The following NAAA variants were observed in gnomAD, a reference collection of about 807,000 sequenced individuals.
NAAA encodes the protein N-acylethanolamine acid amidase.
In NAAA, 39 loss-of-function variants were observed where a neutral mutation model predicts 44.8. The observed-to-expected ratio is 0.87, with a 90% CI of 0.67 to 1.14. The LOEUF is 1.14. Ranked by LOEUF, NAAA falls within the 50% of genes most tolerant of loss-of-function variation. NAAA has a pLI of 0.00. For synonymous variants in NAAA, 178 were observed against 191.3 expected (o/e 0.93, Z 0.58); for missense variants, 460 against 467.8 (o/e 0.98, Z 0.15).
At chr4:75,911,129 G>T (rs1725307388), downstream of NAAA, among the ~76,000 whole-genome samples, 1 of 152,162 alleles carries the variant, frequency 6.6e-6, no homozygotes, top group African/African-American at 2.4e-5. Context: ...GCAAGGGTGG[G>T]GAGGGTGTCT....
In NAAA at chr4:75,920,993, T is replaced by C. The variant is rs760657496; in HGVS notation, c.797A>G (p.Asp266Gly). 5 of 1,612,396 alleles carry C rather than the reference T, an allele frequency of 3.1e-6. 1 individual carries two copies. The South Asian group carries it at 3.3e-5, about 11-fold the overall frequency. Residue 266 changes from aspartate to glycine, a missense_variant, in exon 6 of 11, where the codon GAT becomes GGT. Coordinates refer to ENST00000286733, the MANE Select transcript of NAAA (RefSeq NM_014435.4). ...TAGAGGCCAAATGTCTGCTGGGCCA[T>C]CTCTGTTCCTCGTGATGACCACCCC... ...REGVVITRNR[D>G]GPADIWPLDP... is the part of the protein sequence containing the mutation.
chr4:75,928,609 A>G lies in NAAA; in HGVS notation c.589+2605T>C, dbSNP rs532929116. ...AAGTGTAAGATGCCTAGTAGACGTCAGAGTGGAGATGCTGAGAAGATGGCT... is the reference window on the plus strand; with the variant it reads ...AAGTGTAAGATGCCTAGTAGACGTCGGAGTGGAGATGCTGAGAAGATGGCT... On this transcript the variant is annotated intron_variant, in intron 4 of 10. Coordinates refer to ENST00000286733, the MANE Select transcript of NAAA (RefSeq NM_014435.4). Among the ~76,000 whole-genome samples the G allele has an allele frequency of 2.6e-5, 4 of 152,284 alleles. No homozygotes were observed. In the South Asian group the frequency reaches 8.3e-4, roughly 32 times the overall value.
chr4:75,913,174 T>C (rs138968396), downstream of NAAA, among the ~76,000 whole-genome samples: 38 of 152,200 alleles, frequency 2.5e-4, no homozygotes, highest in East Asian at 4.8e-3. Context: ...TCATTGACTT[T>C]CCCTCCATTC....
At position 75,940,099 on chromosome 4, in the gene NAAA, C is replaced by A. The variant is rs376926292; in HGVS notation, c.273G>T (p.Leu91=). ...GGATCTCGCCGGTGAAGGGCTGGGG[C>A]AGGAAGCGCTCCAGCTCCAGGACCA... is the stretch of plus-strand genomic sequence containing the variant. ...GKVVLELERF[L]PQPFTGEIRG... Residue 91 remains leucine, a synonymous_variant, in exon 2 of 11, where the codon CTG becomes CTT. Transcript: ENST00000286733. The A allele has an allele frequency of 1.7e-5, 27 of 1,614,016 alleles. No individual in the cohort carries two copies. The African/African-American group carries it at 3.3e-4, about 20-fold the overall frequency.
Position 75,921,146 on chromosome 4 carries a change from G to A in NAAA, c.667-23C>T, listed in dbSNP as rs774074776. ...GGTCTGAACGAAAGGATGAACTTGCGTGAGCAACCCCACCTGCAGTTGGGT... is the reference window on the plus strand; with the variant it reads ...GGTCTGAACGAAAGGATGAACTTGCATGAGCAACCCCACCTGCAGTTGGGT... On this transcript the variant is annotated intron_variant, in intron 5 of 10. Coordinates refer to ENST00000286733, the MANE Select transcript of NAAA (RefSeq NM_014435.4). 9 of 1,548,842 alleles carry A rather than the reference G, an allele frequency of 5.8e-6. No individual in the cohort carries two copies. In the East Asian group the frequency reaches 6.8e-5, roughly 12 times the overall value.
intron 9 of NAAA, among the ~76,000 whole-genome samples, chr4:75,915,984 C>G (rs1725591339): frequency 6.6e-6 from 1 of 152,140 alleles, no homozygotes; most frequent in Non-Finnish European, 1.5e-5. Context: ...AATCATACAC[C>G]CAGTTAAAGA....
intron 7 of NAAA, 31 bp from the exon 8 acceptor site, chr4:75,920,006 C>G (rs376411554): frequency 1.3e-6 from 2 of 1,591,422 alleles, no homozygotes; most frequent in Non-Finnish European, 1.7e-6. Flanking sequence ...GGTCACTTGG[C>G]ATTTCAACAA....
At chr4:75,919,343 G>A (rs1162694119) in intron 8 of NAAA, 1 of 151,816 alleles carries the variant, frequency 6.6e-6, no homozygotes, top group Admixed American at 6.6e-5. Flanking sequence ...CATCCGGCCT[G>A]ACTTTTTAAT....
chr4:75,934,660 G>C (rs543491857), intron 3 of NAAA, among the ~76,000 whole-genome samples: 10 of 152,092 alleles, frequency 6.6e-5, no homozygotes, highest in Non-Finnish European at 1.5e-4. Context: ...CACTAGACAA[G>C]AATGAGAGAT....
chr4:75,920,535 A>T, intron 7 of NAAA, among the ~76,000 whole-genome samples: 1 of 151,614 alleles, frequency 6.6e-6, no homozygotes, highest in East Asian at 1.9e-4. Context: ...GCCTCCCAAC[A>T]CCCGCCCAGC....
At chr4:75,940,240 G>C (rs548755579) in intron 1 of NAAA, 75 bp from the exon 2 acceptor site, 1 of 1,520,356 alleles carries the variant, frequency 6.6e-7, no homozygotes, top group Non-Finnish European at 9.0e-7. Context: ...CACTGCGAGC[G>C]GGGCTACATC....
At chr4:75,938,183 C>T (rs1727899162) in intron 2 of NAAA, among the ~76,000 whole-genome samples, 1 of 152,156 alleles carries the variant, frequency 6.6e-6, no homozygotes, top group African/African-American at 2.4e-5. Flanking sequence ...TAAAGGGTAG[C>T]TAGTATTATT....
At position 75,919,921 on chromosome 4, in the gene NAAA, C is replaced by T. The variant is rs761803860; in HGVS notation, c.957G>A (p.Glu319=). 1.9e-6 allele frequency: 3 copies of T among 1,613,814 alleles called. No individual in the cohort carries two copies. The highest frequency in any genetic ancestry group is 2.2e-5 in the East Asian group (1 of 44,884). Reference sequence around the variant, plus strand: ...TGACACAAGTTACCTGGAAAAGTGCCTCCAGGCTGAGGTTTGCTTGTCCTG... The same window carrying T: ...TGACACAAGTTACCTGGAAAAGTGCTTCCAGGCTGAGGTTTGCTTGTCCTG... ...NATGQANLSL[E]ALFQILSVVP... Residue 319 remains glutamate, a synonymous_variant, in exon 8 of 11, where the codon GAG becomes GAA. Transcript: ENST00000286733.
chr4:75,932,336 C>A (rs1727301407), intron 3 of NAAA, among the ~76,000 whole-genome samples: 1 of 152,178 alleles, frequency 6.6e-6, no homozygotes, highest in African/African-American at 2.4e-5. Flanking sequence ...TGGGACTGTT[C>A]ACCAATAATA....
At chr4:75,920,467 C>T (rs1007196978) in intron 7 of NAAA, among the ~76,000 whole-genome samples, 4 of 152,190 alleles carry the variant, frequency 2.6e-5, no homozygotes, top group African/African-American at 9.7e-5. Context: ...GGCCCGAGAG[C>T]CACCCAGTGA....
At chr4:75,931,452 G>T in intron 3 of NAAA, 148 bp from the exon 4 acceptor site, 4 of 525,066 alleles carry the variant, frequency 7.6e-6, no homozygotes, top group Non-Finnish European at 1.3e-5. Context: ...TAAGACAGAG[G>T]TTCTTAACCT....
At chr4:75,917,149 T>C (rs1725702002) in intron 9 of NAAA, 11 of 908,444 alleles carry the variant, frequency 1.2e-5, no homozygotes, top group Non-Finnish European at 1.3e-5. Flanking sequence ...TTAACCCCCA[T>C]TTAAAAAATG....
chr4:75,938,266 G>A (rs1727905366), intron 2 of NAAA, among the ~76,000 whole-genome samples: 1 of 152,224 alleles, frequency 6.6e-6, no homozygotes, highest in Non-Finnish European at 1.5e-5. Context: ...ATTGAATGGT[G>A]CTATTAGGCA....
chr4:75,939,145 G>A (rs1578092730), intron 2 of NAAA, among the ~76,000 whole-genome samples: 2 of 152,124 alleles, frequency 1.3e-5, no homozygotes, highest in Admixed American at 6.5e-5. Context: ...GAGCCACCGC[G>A]CCCAGCCTGG....
Sources: allele counts gnomAD v4.1 joint callset (sites outside exome capture counted in the v4.1 genomes callset), GRCh38; gene constraint gnomAD v4.1.1; transcripts MANE v1.5; gene names NCBI Gene and HGNC (gene_info 2026-07-23, HGNC 2026-07-21).